The following NFIB variants were observed in gnomAD, a reference collection of about 807,000 sequenced individuals.
The protein encoded by NFIB is nuclear factor 1 B-type.
Under a neutral mutation model 61.5 loss-of-function variants are expected in NFIB, and 11 were observed. The observed-to-expected ratio is 0.18, with a 90% CI of 0.11 to 0.30. NFIB has a LOEUF of 0.30. NFIB is among the 10% of genes least tolerant of loss of function. The pLI is 1.00. For synonymous variants in NFIB, 260 were observed against 216.5 expected, an observed-to-expected ratio of 1.20 and a Z score of -1.76; for missense variants, 471 against 608.9, an observed-to-expected ratio of 0.77 and a Z score of 2.38.
At chr9:14,345,545 T>C (rs2061007535) in intron 1 of NFIB, among the ~76,000 whole-genome samples, 1 of 151,330 alleles carries the variant, frequency 6.6e-6, no homozygotes, top group Non-Finnish European at 1.5e-5. Context: ...GAAGCAGGGG[T>C]TCCTTTGTGA....
chr9:14,262,195 A>AT (rs2056822582), intron 2 of NFIB, among the ~76,000 whole-genome samples: 1 of 152,094 alleles, frequency 6.6e-6, no homozygotes, highest in Non-Finnish European at 1.5e-5. Context: ...TTGATGGGAT[A>AT]TTTCAAACCT....
chr9:14,343,900 A>T (rs1421525747), intron 1 of NFIB, among the ~76,000 whole-genome samples: 1 of 152,094 alleles, frequency 6.6e-6, no homozygotes, highest in Admixed American at 6.5e-5. Context: ...GAATGGTTAA[A>T]AACTGAAGTG....
Position 14,088,453 on chromosome 9 carries a change from T to A in NFIB, c.1468-127A>T, listed in dbSNP as rs1267347605. 5.0e-6 allele frequency: 5 copies of A among 998,354 alleles called. No homozygotes were observed. In the African/African-American group the frequency reaches 8.2e-5, roughly 16 times the overall value. The allele number at this position is 998,354 out of a possible 1,614,324, so 61.8% of individuals were successfully genotyped here. On this transcript the variant is annotated intron_variant, in intron 10 of 10. Transcript: ENST00000380953. ...TTATTGCTATCCCTATTTTCAAAAT[T>A]ACAGTCTAATATGAGATAAATGTGC...
chr9:14,421,641 A>G, the NFIB span, among the ~76,000 whole-genome samples: 1 of 152,212 alleles, frequency 6.6e-6, no homozygotes, highest in Admixed American at 6.5e-5. Context: ...CTACAAACCA[A>G]TGGACAGAGG....
At chr9:14,380,798 A>G (rs1320092965) in intron 1 of NFIB, among the ~76,000 whole-genome samples, 1 of 152,122 alleles carries the variant, frequency 6.6e-6, no homozygotes, top group Non-Finnish European at 1.5e-5. Context: ...TCTTCTAAAA[A>G]GAGTCTCAGT....
In NFIB at chr9:14,114,453, A is replaced by T. The variant is rs932180580; in HGVS notation, c.1385-1372T>A. ...ATAGTACTATATCAATTCAATGACC[A>T]GTTTTTTATTACTGGTGGTGCCTAA... On this transcript the variant is annotated intron_variant, in intron 9 of 10. Transcript: ENST00000380953. 4.6e-5 allele frequency among the ~76,000 whole-genome samples: 7 copies of T among 152,166 alleles called. No homozygotes were observed. In the South Asian group the frequency reaches 8.3e-4, roughly 18 times the overall value.
the NFIB span, among the ~76,000 whole-genome samples, chr9:14,407,299 T>C: frequency 8.9e-4 from 136 of 152,332 alleles, no homozygotes; most frequent in African/African-American, 3.0e-3. Flanking sequence ...TATGAGTCAA[T>C]AATAAAGTCC....
chr9:14,459,776 A>G, the NFIB span, among the ~76,000 whole-genome samples: 2 of 151,592 alleles, frequency 1.3e-5, no homozygotes, highest in Non-Finnish European at 2.9e-5. Flanking sequence ...AATGCTCATC[A>G]TCACTGGCCA....
intron 1 of NFIB, among the ~76,000 whole-genome samples, chr9:14,363,803 A>C (rs1588371915): frequency 6.6e-6 from 1 of 152,130 alleles, no homozygotes; most frequent in East Asian, 1.9e-4. Context: ...TTATACTCTC[A>C]ACTCAAAAGC....
At chr9:14,531,493 G>C in the NFIB span, among the ~76,000 whole-genome samples, 1 of 152,102 alleles carries the variant, frequency 6.6e-6, no homozygotes, top group Admixed American at 6.6e-5. Flanking sequence ...TGATGAGGGA[G>C]CCGCACACAA....
At chr9:14,440,465 T>C in the NFIB span, among the ~76,000 whole-genome samples, 1 of 152,196 alleles carries the variant, frequency 6.6e-6, no homozygotes, top group South Asian at 2.1e-4. Flanking sequence ...TTCACAAATA[T>C]ACTTGTTGAA....
At chr9:14,409,114 G>A in the NFIB span, among the ~76,000 whole-genome samples, 1 of 152,134 alleles carries the variant, frequency 6.6e-6, no homozygotes, top group East Asian at 1.9e-4. Context: ...TTGTTGACAT[G>A]CATGCTGTAA....
At chr9:14,204,924 A>C in intron 2 of NFIB, 1 of 353,312 alleles carries the variant, frequency 2.8e-6, no homozygotes, top group Non-Finnish European at 5.4e-6. Context: ...ACCAATTACA[A>C]CGACAGAGCC....
intron 2 of NFIB, among the ~76,000 whole-genome samples, chr9:14,189,154 A>C (rs1287367625): frequency 1.3e-5 from 2 of 152,214 alleles, no homozygotes; most frequent in Non-Finnish European, 2.9e-5. Context: ...AATCCCACAC[A>C]TACAACACTC....
At chr9:14,451,170 C>T in the NFIB span, among the ~76,000 whole-genome samples, 1 of 152,204 alleles carries the variant, frequency 6.6e-6, no homozygotes, top group African/African-American at 2.4e-5. Context: ...CCCAGTGGGA[C>T]ACCACAAAGG....
chr9:14,085,483 A>G lies in NFIB; in HGVS notation c.*2826T>C, dbSNP rs548152312. 37 of 222,000 alleles carry G rather than the reference A, an allele frequency of 1.7e-4. No individual in the cohort carries two copies. The highest frequency in any genetic ancestry group is 8.0e-4 in the African/African-American group (36 of 44,812). The allele number at this position is 222,000 out of a possible 1,614,324, so 13.8% of individuals were successfully genotyped here. On this transcript the variant is annotated 3_prime_UTR_variant, in exon 11 of 11. Coordinates refer to ENST00000380953, the MANE Select transcript of NFIB (RefSeq NM_001190737.2). ...AGTTAAGGTACCATTCCTTAAAAAA[A>G]TCCCATCAGCATCTAATGGGTTTAA... is the stretch of plus-strand genomic sequence containing the variant.
chr9:14,372,846 A>T lies in NFIB; in HGVS notation c.108+25678T>A, dbSNP rs115106016. Among the ~76,000 whole-genome samples, 300 of 152,334 alleles carry T rather than the reference A, an allele frequency of 2.0e-3. 3 individuals carry two copies. The highest frequency in any genetic ancestry group is 6.9e-3 in the African/African-American group (288 of 41,572). ...AACTGAACCTCTAACTCAAGTGTTG[A>T]ATCACTCAGAGAAGAATAAAAAAAG... is the stretch of plus-strand genomic sequence containing the variant. On this transcript the variant is annotated intron_variant, in intron 1 of 8. Coordinates refer to the NFIB transcript ENST00000380934.
chr9:14,529,525 A>G, the NFIB span, among the ~76,000 whole-genome samples: 1 of 152,182 alleles, frequency 6.6e-6, no homozygotes, highest in African/African-American at 2.4e-5. Flanking sequence ...CCTTACATCC[A>G]CAACAGGGGA....
intron 2 of NFIB, among the ~76,000 whole-genome samples, chr9:14,289,976 A>AAT (rs1398106368): frequency 2.0e-5 from 3 of 152,044 alleles, no homozygotes; most frequent in African/African-American, 7.2e-5. Flanking sequence ...ACTCCCCGCT[A>AAT]GGCAACAGTT....
Sources: allele counts gnomAD v4.1 joint callset (sites outside exome capture counted in the v4.1 genomes callset), GRCh38; gene constraint gnomAD v4.1.1; transcripts MANE v1.5; gene names NCBI Gene and HGNC (gene_info 2026-07-23, HGNC 2026-07-21).